The following FBXO25 variants were observed in gnomAD, a reference collection of about 807,000 sequenced individuals.
FBXO25 encodes F-box protein 25.
FBXO25 carries 45 observed loss-of-function variants against 51.9 expected under a neutral mutation model. The observed-to-expected ratio is 0.87, with a 90% CI of 0.68 to 1.11. The LOEUF (loss-of-function observed/expected upper bound fraction) is 1.11, where lower values mean the gene tolerates loss of function less well. Ranked by LOEUF, FBXO25 falls within the 50% of genes most tolerant of loss-of-function variation. FBXO25 has a pLI of 0.00. For synonymous variants in FBXO25, 199 were observed against 151.0 expected (o/e 1.32, Z -2.33); for missense variants, 507 against 428.5 (o/e 1.18, Z -1.62).
intron 9 of FBXO25, chr8:468,193 G>C: frequency 9.9e-7 from 1 of 1,012,264 alleles, no homozygotes; most frequent in Non-Finnish European, 1.2e-6. Context: ...TGTGAGCATG[G>C]CCAGCTCCCT....
intron 8 of FBXO25, among the ~76,000 whole-genome samples, chr8:462,028 C>T (rs1158248494): frequency 1.3e-5 from 2 of 152,268 alleles, no homozygotes; most frequent in Middle Eastern, 3.4e-3. Flanking sequence ...AGTAGAATGG[C>T]TGAGTCATAT....
chr8:446,434 C>G (rs1287360447), intron 5 of FBXO25, among the ~76,000 whole-genome samples: 2 of 152,192 alleles, frequency 1.3e-5, no homozygotes, highest in Non-Finnish European at 1.5e-5. Flanking sequence ...GCAGTGCTTA[C>G]GGCTGGCTGG....
chr8:447,559 G>A (rs967946764), intron 5 of FBXO25, among the ~76,000 whole-genome samples: 1 of 152,128 alleles, frequency 6.6e-6, no homozygotes, highest in African/African-American at 2.4e-5. Context: ...ATTTTAATGA[G>A]GTTGAGTATC....
At chr8:425,420 C>T (rs1797413216) in intron 2 of FBXO25, among the ~76,000 whole-genome samples, 1 of 148,934 alleles carries the variant, frequency 6.7e-6, no homozygotes, top group Non-Finnish European at 1.5e-5. Context: ...TTTTTCTAAT[C>T]AGATACCTAG....
chr8:454,198 A>G (rs573358978), intron 7 of FBXO25, among the ~76,000 whole-genome samples: 452 of 152,338 alleles, frequency 3.0e-3, no homozygotes, highest in African/African-American at 0.01. Context: ...TTTAGTATAT[A>G]TTTGTGTTGT....
intron 2 of FBXO25, among the ~76,000 whole-genome samples, chr8:419,043 T>G (rs1401752978): frequency 1.3e-5 from 2 of 152,166 alleles, no homozygotes; most frequent in Admixed American, 1.3e-4. Flanking sequence ...ATTAAAAACT[T>G]ATACCTAAAG....
At chr8:407,526 C>T in intron 1 of FBXO25, 19 of 823,254 alleles carry the variant, frequency 2.3e-5, no homozygotes, top group Non-Finnish European at 2.8e-5. Context: ...CAGCCGCTTC[C>T]CCTGCCCACC....
rs1799593580 is a variant in FBXO25, at chr8:458,414, C to G, written c.706C>G (p.Leu236Val). ...CCTCAGTGACCTTCCTCTGCACATG[C>G]TGAACAACATCCTATACCGGTTCTC... Reference protein sequence around the residue: ...LTLSDLPLHMLNNILYRFSDG... With the variant: ...LTLSDLPLHMVNNILYRFSDG... Residue 236 changes from leucine to valine, a missense_variant, in exon 8 of 10, where the codon CTG becomes GTG. Coordinates refer to ENST00000350302, the MANE Select transcript of FBXO25 (RefSeq NM_183420.2). 1 of 1,614,170 alleles carries G rather than the reference C, an allele frequency of 6.2e-7. No individual in the cohort carries two copies. The highest frequency in any genetic ancestry group is 8.5e-7 in the Non-Finnish European group (1 of 1,180,004).
At chr8:409,295 T>C (rs1263726394) in intron 1 of FBXO25, among the ~76,000 whole-genome samples, 1 of 152,230 alleles carries the variant, frequency 6.6e-6, no homozygotes, top group Non-Finnish European at 1.5e-5. Flanking sequence ...ATAACAAATC[T>C]GTGAAGCACA....
At chr8:417,036 C>A (rs192649433) in intron 2 of FBXO25, among the ~76,000 whole-genome samples, 1 of 152,136 alleles carries the variant, frequency 6.6e-6, no homozygotes, top group Non-Finnish European at 1.5e-5. Context: ...AGGGCCTCCC[C>A]GGCAGGGAAA....
At chr8:438,910 C>T (rs137869367) in intron 5 of FBXO25, among the ~76,000 whole-genome samples, 1,960 of 152,304 alleles carry the variant, frequency 0.013, 34 homozygotes, top group African/African-American at 0.044. Flanking sequence ...TTTAAGTTGT[C>T]TGCGTCCCCA....
rs927138548 is a variant in FBXO25, at chr8:470,808, T to C, written c.*2004T>C. The C allele has an allele frequency of 7.2e-5, 11 of 152,234 alleles. No individual in the cohort carries two copies. The highest frequency in any genetic ancestry group is 7.3e-5 in the Non-Finnish European group (5 of 68,040). 9.4% of individuals were successfully genotyped at this position (152,234 alleles called of 1,614,324 possible). Reference sequence around the variant, plus strand: ...AGTGAAGAATTTGATGTATGATAAATTGTGAGCTTGAATATTTCCATATAT... The same window carrying C: ...AGTGAAGAATTTGATGTATGATAAACTGTGAGCTTGAATATTTCCATATAT... On this transcript the variant is annotated 3_prime_UTR_variant, in exon 10 of 10. Coordinates refer to ENST00000350302, the MANE Select transcript of FBXO25 (RefSeq NM_183420.2).
intron 2 of FBXO25, among the ~76,000 whole-genome samples, chr8:416,557 G>A (rs1387217291): frequency 1.3e-5 from 2 of 152,200 alleles, no homozygotes; most frequent in East Asian, 1.9e-4. Flanking sequence ...TACATGAGTG[G>A]TAGTGGCTTT....
At position 474,476 on chromosome 8, in the gene FBXO25, A is replaced by C. The variant is rs1800584016; in HGVS notation, c.*5672A>C. ...TTTAATTTCTTAGGGCACTGCCATA[A>C]GTGTTTTACACGGTGGCTGCACCAT... On this transcript the variant is annotated 3_prime_UTR_variant, in exon 10 of 10. Transcript: ENST00000350302. 6.2e-6 allele frequency: 2 copies of C among 324,146 alleles called. No individual in the cohort carries two copies. The highest frequency in any genetic ancestry group is 4.8e-5 in the Admixed American group (1 of 21,004). The allele number at this position is 324,146 out of a possible 1,614,324, so 20.1% of individuals were successfully genotyped here. A position where few individuals can be genotyped will look rare whatever the true frequency, so the allele number is the denominator to read the frequency against.
At chr8:409,173 T>C (rs1796341945) in intron 1 of FBXO25, among the ~76,000 whole-genome samples, 1 of 152,120 alleles carries the variant, frequency 6.6e-6, no homozygotes, top group Admixed American at 6.5e-5. Flanking sequence ...GCAACTTGTC[T>C]TTTTTTGTTG....
At chr8:430,628 T>C (rs1585035250) in intron 2 of FBXO25, among the ~76,000 whole-genome samples, 2 of 152,312 alleles carry the variant, frequency 1.3e-5, no homozygotes, top group East Asian at 3.9e-4. Flanking sequence ...ACTGAAAATC[T>C]GTTATCAGTG....
chr8:413,976 C>G (rs1796645090), intron 2 of FBXO25, among the ~76,000 whole-genome samples: 1 of 152,090 alleles, frequency 6.6e-6, no homozygotes, highest in Non-Finnish European at 1.5e-5. Context: ...CTAGGAAGGT[C>G]TTGAGATAGC....
chr8:433,142 A>G (rs766759682), intron 4 of FBXO25, among the ~76,000 whole-genome samples: 1 of 152,146 alleles, frequency 6.6e-6, no homozygotes, highest in Non-Finnish European at 1.5e-5. Context: ...TGCATGTGGT[A>G]TGTGGCTGTG....
rs972074400 is a variant in FBXO25, at chr8:474,080, T to G, written c.*5276T>G. On this transcript the variant is annotated 3_prime_UTR_variant, in exon 10 of 10. Transcript: ENST00000350302. ...ATGAACTTTTGTCATCTTGTAAAAC[T>G]GAAGCTCTGTACCCATTAAGCACCA... The G allele has an allele frequency of 6.6e-6, 1 of 152,344 alleles. No homozygotes were observed. Among genetic ancestry groups the G allele is most frequent in the Non-Finnish European group, 1.5e-5 (1 of 68,158 alleles). 9.4% of individuals were successfully genotyped at this position (152,344 alleles called of 1,614,324 possible).
Sources: allele counts gnomAD v4.1 joint callset (sites outside exome capture counted in the v4.1 genomes callset), GRCh38; gene constraint gnomAD v4.1.1; transcripts MANE v1.5; gene names NCBI Gene and HGNC (gene_info 2026-07-23, HGNC 2026-07-21).